The following CNTNAP2 variants were observed in gnomAD, a reference collection of about 807,000 sequenced individuals.
The protein encoded by CNTNAP2 is contactin associated protein 2.
In CNTNAP2, 98 loss-of-function variants were observed where a neutral mutation model predicts 155.2. That is an observed-to-expected ratio of 0.63 (90% confidence interval 0.54 to 0.75). CNTNAP2 has a LOEUF of 0.75. Ranked by LOEUF, CNTNAP2 falls within the 30% of genes least tolerant of loss-of-function variation. The probability of loss-of-function intolerance (pLI) is 0.00; values close to 1 mark genes in which losing one functional copy is unlikely to be tolerated. For synonymous variants in CNTNAP2, 651 were observed against 631.2 expected (o/e 1.03, Z -0.47); for missense variants, 1,727 against 1,688.1 (o/e 1.02, Z -0.40).
At chr7:146,946,921 C>T (rs1797188877) in intron 3 of CNTNAP2, among the ~76,000 whole-genome samples, 1 of 151,956 alleles carries the variant, frequency 6.6e-6, no homozygotes, top group Admixed American at 6.6e-5. Context: ...CACAAAATCC[C>T]CCCAAAAAAG....
chr7:146,733,831 C>G (rs149261631), intron 1 of CNTNAP2, among the ~76,000 whole-genome samples: 53 of 152,248 alleles, frequency 3.5e-4, no homozygotes, highest in Non-Finnish European at 3.8e-4. Flanking sequence ...AAGAGGCTTT[C>G]ATTTCCACAT....
chr7:147,928,530 G>A (rs139549952), intron 14 of CNTNAP2, among the ~76,000 whole-genome samples: 142 of 152,192 alleles, frequency 9.3e-4, no homozygotes, highest in African/African-American at 3.4e-3. Context: ...AATTGTCTTG[G>A]TGAAAAGTAT....
intron 20 of CNTNAP2, among the ~76,000 whole-genome samples, chr7:148,237,290 A>T (rs187787990): frequency 1.3e-3 from 200 of 152,338 alleles, no homozygotes; most frequent in African/African-American, 4.5e-3. Flanking sequence ...CGTAAGCAAT[A>T]TATAAATAGG....
chr7:146,330,374 G>A (rs1037612014), intron 1 of CNTNAP2, among the ~76,000 whole-genome samples: 9 of 152,048 alleles, frequency 5.9e-5, no homozygotes, highest in African/African-American at 2.2e-4. Flanking sequence ...TTTAGATTCT[G>A]GAAGCATCAC....
intron 13 of CNTNAP2, among the ~76,000 whole-genome samples, chr7:147,661,115 T>C (rs1343115889): frequency 6.6e-6 from 1 of 152,132 alleles, no homozygotes; most frequent in Non-Finnish European, 1.5e-5. Flanking sequence ...ACCTATAATA[T>C]GCACTTCCCT....
chr7:146,796,313 G>A (rs1184002911), intron 2 of CNTNAP2, among the ~76,000 whole-genome samples: 1 of 152,190 alleles, frequency 6.6e-6, no homozygotes. Flanking sequence ...GGGCAGCTAA[G>A]CAAGGACATG....
intron 3 of CNTNAP2, among the ~76,000 whole-genome samples, chr7:146,993,267 G>A (rs1050083425): frequency 7.2e-5 from 11 of 152,152 alleles, no homozygotes; most frequent in African/African-American, 2.7e-4. Context: ...GCCTTGGGGT[G>A]GGCTGTCTGC....
intron 4 of CNTNAP2, among the ~76,000 whole-genome samples, chr7:147,062,094 C>T (rs1458353161): frequency 1.3e-4 from 16 of 124,502 alleles, no homozygotes; most frequent in Admixed American, 1.0e-3. Flanking sequence ...CACCACTGCA[C>T]TCCAGCCTGG....
At chr7:147,896,049 G>T (rs1206545231) in intron 13 of CNTNAP2, among the ~76,000 whole-genome samples, 2 of 152,208 alleles carry the variant, frequency 1.3e-5, no homozygotes, top group Non-Finnish European at 2.9e-5. Context: ...CCTCACTGGG[G>T]GCATTCGTTA....
At chr7:146,648,667 A>G (rs1799856334) in intron 1 of CNTNAP2, among the ~76,000 whole-genome samples, 1 of 152,096 alleles carries the variant, frequency 6.6e-6, no homozygotes, top group Non-Finnish European at 1.5e-5. Flanking sequence ...GTTTTTCCCC[A>G]ATGTGTAATG....
chr7:148,199,547 A>G (rs1795334374), intron 18 of CNTNAP2, among the ~76,000 whole-genome samples: 1 of 152,218 alleles, frequency 6.6e-6, no homozygotes, highest in Non-Finnish European at 1.5e-5. Context: ...ACTGACATTG[A>G]CAAATGCTTT....
At chr7:146,984,619 G>A (rs536122968) in intron 3 of CNTNAP2, among the ~76,000 whole-genome samples, 12 of 152,224 alleles carry the variant, frequency 7.9e-5, no homozygotes, top group African/African-American at 2.6e-4. Context: ...AGTAAGAGGG[G>A]CTGGTGTCCT....
rs1468411291 is a variant in CNTNAP2 at position 147,056,940 on chromosome 7, T to A, written c.550+12886T>A. Reference sequence around the variant, plus strand: ...TGCACACCACCATCCCTAGCTTATTTTTTTTATTTATATTTTTGTAGAGAT... The same window carrying A: ...TGCACACCACCATCCCTAGCTTATTATTTTTATTTATATTTTTGTAGAGAT... On this transcript the variant is annotated intron_variant, in intron 4 of 23. Transcript: ENST00000361727. Among the ~76,000 whole-genome samples the A allele has an allele frequency of 2.0e-5, 3 of 152,060 alleles. No individual in the cohort carries two copies. In the East Asian group the frequency reaches 5.8e-4, roughly 29 times the overall value.
Position 147,452,019 on chromosome 7 carries a change from G to A in CNTNAP2, c.1671-33916G>A, listed in dbSNP as rs1797842170. On this transcript the variant is annotated intron_variant, in intron 10 of 23. Transcript: ENST00000361727. ...CACTTCTCAGATTCCAGAGCTGAGA[G>A]CCTATACAGTTCCATCTATTACAAA... Among the ~76,000 whole-genome samples the A allele has an allele frequency of 2.0e-5, 3 of 152,176 alleles. No homozygotes were observed. In the South Asian group the frequency reaches 6.2e-4, roughly 31 times the overall value.
Position 147,535,371 on chromosome 7 carries a change from G to A in CNTNAP2, c.1778-26767G>A, listed in dbSNP as rs1024476322. On this transcript the variant is annotated intron_variant, in intron 11 of 23. Coordinates refer to ENST00000361727, the MANE Select transcript of CNTNAP2 (RefSeq NM_014141.6). The stretch of plus-strand genomic sequence containing the variant: ...CGCGCCACTGCACTGCAGCCTGAGC[G>A]AAAGAGTGAGACTCTGTCTCAGAAA... Among the ~76,000 whole-genome samples the A allele has an allele frequency of 5.3e-5, 8 of 152,078 alleles. 1 individual carries two copies. Among genetic ancestry groups the A allele is most frequent in the South Asian group, 4.2e-4 (2 of 4,816 alleles).
chr7:146,746,346 T>A (rs1247953943), intron 1 of CNTNAP2, among the ~76,000 whole-genome samples: 1 of 152,206 alleles, frequency 6.6e-6, no homozygotes, highest in African/African-American at 2.4e-5. Context: ...AATTAAAGCA[T>A]GATTTATATA....
chr7:146,984,656 T>G (rs941273532), intron 3 of CNTNAP2, among the ~76,000 whole-genome samples: 1 of 152,152 alleles, frequency 6.6e-6, no homozygotes, highest in Non-Finnish European at 1.5e-5. Flanking sequence ...GATTTCGCCC[T>G]TCTCCCAATG....
intron 5 of CNTNAP2, among the ~76,000 whole-genome samples, chr7:147,112,016 G>T (rs1367537449): frequency 6.6e-6 from 1 of 152,112 alleles, no homozygotes; most frequent in Non-Finnish European, 1.5e-5. Flanking sequence ...AGCATGGAAT[G>T]TTTTTCCATT....
rs140875306 is a variant in CNTNAP2 at position 147,001,067 on chromosome 7, C to T, written c.403-42840C>T. On this transcript the variant is annotated intron_variant, in intron 3 of 23. Transcript: ENST00000361727. ...TCTACGATTGCTTACCTCTCTTTCT[C>T]CCAAGTGAACAGTGTCTCTCTCTGC... is the stretch of plus-strand genomic sequence containing the variant. 1.1e-3 allele frequency among the ~76,000 whole-genome samples: 161 copies of T among 152,156 alleles called. 1 individual carries two copies. Among genetic ancestry groups the T allele is most frequent in the African/African-American group, 3.4e-3 (143 of 41,532 alleles).
Sources: gnomAD v4.1 joint callset for allele counts (sites outside exome capture counted in the v4.1 genomes callset) on GRCh38, gnomAD v4.1.1 for gene constraint, MANE v1.5 for transcripts, NCBI Gene and HGNC (gene_info 2026-07-23, HGNC 2026-07-21) for gene names.